APP: variants seen among roughly 807,000 people sequenced by gnomAD.
APP encodes the protein amyloid beta precursor protein.
APP carries 31 observed loss-of-function variants against 101.4 expected under a neutral mutation model. The ratio of observed to expected loss-of-function variants is 0.31; its 90% CI spans 0.23 to 0.41. The LOEUF (loss-of-function observed/expected upper bound fraction) is 0.41, where lower values mean the gene tolerates loss of function less well. APP is among the 10% of genes least tolerant of loss of function. APP has a pLI of 1.00. For synonymous variants in APP, 366 were observed against 364.4 expected, an observed-to-expected ratio of 1.00 and a Z score of -0.05; for missense variants, 839 against 1,003.7, an observed-to-expected ratio of 0.84 and a Z score of 2.22.
chr21:25,912,106 T>C (rs2039106913), intron 13 of APP, 144 bp from the exon 14 acceptor site: 4 of 718,518 alleles, frequency 5.6e-6, no homozygotes, highest in South Asian at 4.5e-5. Flanking sequence ...ATAGGTACCA[T>C]TATCATCTCC....
chr21:26,125,326 C>T (rs1366225347), intron 1 of APP, among the ~76,000 whole-genome samples: 2 of 152,158 alleles, frequency 1.3e-5, no homozygotes, highest in African/African-American at 4.8e-5. Flanking sequence ...TATTTTAGGG[C>T]TCTGTTGATT....
At chr21:26,119,943 A>T (rs1225830373) in intron 1 of APP, among the ~76,000 whole-genome samples, 3 of 152,204 alleles carry the variant, frequency 2.0e-5, no homozygotes, top group Non-Finnish European at 4.4e-5. Context: ...ACAGATTAGC[A>T]CCCAGCACAG....
chr21:26,133,004 T>C (rs6516726), intron 1 of APP, among the ~76,000 whole-genome samples: 7,762 of 151,470 alleles, frequency 0.051, 309 homozygotes, highest in South Asian at 0.097. Flanking sequence ...TAGGGAGGCA[T>C]GGGTGGGTAG....
rs561927702 is a variant in APP at position 26,134,524 on chromosome 21, G to A, written c.58-22378C>T. On this transcript the variant is annotated intron_variant, in intron 1 of 17. Coordinates refer to ENST00000346798, the MANE Select transcript of APP (RefSeq NM_000484.4). ...GAACAGCCAGATGGAAGAGATGCAC[G>A]GGGTGAGGTGCGGCTGAAGAGAAAA... 4.6e-5 allele frequency among the ~76,000 whole-genome samples: 7 copies of A among 152,326 alleles called. No homozygotes were observed. In the East Asian group the frequency reaches 5.8e-4, roughly 13 times the overall value.
chr21:25,960,731 A>G (rs893709815), intron 11 of APP, among the ~76,000 whole-genome samples: 1 of 152,180 alleles, frequency 6.6e-6, no homozygotes, highest in Non-Finnish European at 1.5e-5. Context: ...GTGTGCATCT[A>G]CATAAACACA....
intron 13 of APP, among the ~76,000 whole-genome samples, chr21:25,916,151 A>G (rs2039339013): frequency 6.6e-6 from 1 of 152,102 alleles, no homozygotes; most frequent in Non-Finnish European, 1.5e-5. Context: ...ACAGGCACAC[A>G]CTACCATGAC....
chr21:26,063,432 C>T (rs1419607677), intron 3 of APP, among the ~76,000 whole-genome samples: 1 of 152,070 alleles, frequency 6.6e-6, no homozygotes, highest in Non-Finnish European at 1.5e-5. Context: ...AATAACATTA[C>T]TCTCCAATAA....
intron 1 of APP, among the ~76,000 whole-genome samples, chr21:26,125,841 C>G (rs1569005179): frequency 6.6e-6 from 1 of 152,164 alleles, no homozygotes; most frequent in African/African-American, 2.4e-5. Context: ...TTTTAATTTT[C>G]AAAACTAGCA....
At position 26,000,033 on chromosome 21, in the gene APP, C is replaced by T. The variant is rs1251494416; in HGVS notation, c.1015G>A (p.Ala339Thr). Reference sequence around the variant, plus strand: ...CACTTACTGGCGCTGCCACACACGGCCATGCAGTACTCTTCTGTGTCAAAG... The same window carrying T: ...CACTTACTGGCGCTGCCACACACGGTCATGCAGTACTCTTCTGTGTCAAAG... ...NNFDTEEYCM[A>T]VCGSAMSQSL... The change falls in exon 7 of 18, where the codon GCC (alanine) becomes ACC (threonine). Residue 339 changes from alanine to threonine, a missense_variant. Coordinates refer to ENST00000346798, the MANE Select transcript of APP (RefSeq NM_000484.4). The T allele has an allele frequency of 4.3e-6, 7 of 1,614,088 alleles. No individual in the cohort carries two copies. Among genetic ancestry groups the T allele is most frequent in the Admixed American group, 1.7e-5 (1 of 60,020 alleles).
chr21:25,964,738 T>A (rs2041724055), intron 11 of APP, among the ~76,000 whole-genome samples: 1 of 151,910 alleles, frequency 6.6e-6, no homozygotes, highest in Non-Finnish European at 1.5e-5. Flanking sequence ...GTAGCTGGGA[T>A]TACAGGCATG....
chr21:25,889,927 G>A (rs2037579734), intron 17 of APP, among the ~76,000 whole-genome samples: 1 of 151,846 alleles, frequency 6.6e-6, no homozygotes, highest in African/African-American at 2.4e-5. Flanking sequence ...GCAAAAAAGG[G>A]GTCTTGAATT....
intron 9 of APP, among the ~76,000 whole-genome samples, chr21:25,979,400 C>A (rs939365440): frequency 1.3e-5 from 2 of 152,146 alleles, no homozygotes; most frequent in Non-Finnish European, 2.9e-5. Context: ...TCTTCAAAGA[C>A]TTGGCTGTTT....
chr21:25,924,381 A>AT (rs753777990), intron 13 of APP, among the ~76,000 whole-genome samples: 4,386 of 98,144 alleles, frequency 0.045, 281 homozygotes, highest in African/African-American at 0.12. Context: ...AAGTATAATA[A>AT]AAAAAAAAAA....
At chr21:25,951,827 CT>C (rs1207095483) in intron 13 of APP, among the ~76,000 whole-genome samples, 3 of 152,308 alleles carry the variant, frequency 2.0e-5, no homozygotes, top group South Asian at 4.1e-4. Flanking sequence ...ATTAGCACCC[CT>C]GGCCAATCTT....
chr21:25,936,577 CTCTT>C (rs2040373399), intron 13 of APP, among the ~76,000 whole-genome samples: 1 of 152,194 alleles, frequency 6.6e-6, no homozygotes, highest in African/African-American at 2.4e-5. Flanking sequence ...AGAGACACCT[CTCTT>C]TCTCTCTGAG....
chr21:26,021,806 G>T (rs199713706), intron 6 of APP, 34 bp downstream of exon 6: 11 of 1,608,680 alleles, frequency 6.8e-6, no homozygotes, highest in African/African-American at 6.7e-5. Flanking sequence ...CTTTTCCTTG[G>T]GGGTGGGGGG....
chr21:26,095,109 G>A (rs1474564876), intron 2 of APP, among the ~76,000 whole-genome samples: 1 of 152,178 alleles, frequency 6.6e-6, no homozygotes, highest in African/African-American at 2.4e-5. Context: ...CTCCCAAAGT[G>A]TTGGGATTAC....
At chr21:26,048,229 A>T (rs889098910) in intron 5 of APP, among the ~76,000 whole-genome samples, 1 of 152,136 alleles carries the variant, frequency 6.6e-6, no homozygotes, top group African/African-American at 2.4e-5. Context: ...AGGCTGAGGC[A>T]GGAGAATCGC....
chr21:26,000,315 C>T lies in APP; in HGVS notation c.866-133G>A, dbSNP rs545459201. 5.4e-4 allele frequency: 609 copies of T among 1,127,300 alleles called. 16 individuals are homozygous for T. The South Asian group carries it at 7.2e-3, about 13-fold the overall frequency. The allele number at this position is 1,127,300 out of a possible 1,614,324, so 69.8% of individuals were successfully genotyped here. On this transcript the variant is annotated intron_variant, in intron 6 of 17. Coordinates refer to ENST00000346798, the MANE Select transcript of APP (RefSeq NM_000484.4). ...GGTTTATTAGGCAGCATCTACCAAA[C>T]ATTTACTGAGGAATTTAACTGGCCA... is the stretch of plus-strand genomic sequence containing the variant.
Sources: gnomAD v4.1 joint callset for allele counts (sites outside exome capture counted in the v4.1 genomes callset) on GRCh38, gnomAD v4.1.1 for gene constraint, MANE v1.5 for transcripts, NCBI Gene and HGNC (gene_info 2026-07-23, HGNC 2026-07-21) for gene names.